Variants in WWOX observed in about 807,000 individuals in gnomAD.
The protein encoded by WWOX is WW domain-containing oxidoreductase.
WWOX carries 69 observed loss-of-function variants against 46.2 expected under a neutral mutation model. The ratio of observed to expected loss-of-function variants is 1.49; its 90% confidence interval spans 1.23 to 1.82. The LOEUF (loss-of-function observed/expected upper bound fraction) is 1.82. WWOX is among the 40% of genes most tolerant of loss of function. The probability of loss-of-function intolerance (pLI) is 0.00; values close to 1 mark genes in which losing one functional copy is unlikely to be tolerated. For synonymous variants in WWOX, 359 were observed against 202.6 expected, an observed-to-expected ratio of 1.77 and a Z score of -6.56; for missense variants, 919 against 542.6, an observed-to-expected ratio of 1.69 and a Z score of -6.89.
chr16:78,166,302 G>A (rs1037599785), intron 5 of WWOX, among the ~76,000 whole-genome samples: 2 of 151,978 alleles, frequency 1.3e-5, no homozygotes, highest in Admixed American at 6.6e-5. Flanking sequence ...GGCCATTTAG[G>A]TTGTTTGCAT....
At chr16:78,792,211 A>G (rs2050622039) in intron 8 of WWOX, among the ~76,000 whole-genome samples, 1 of 152,076 alleles carries the variant, frequency 6.6e-6, no homozygotes, top group Admixed American at 6.5e-5. Context: ...GACCTTGGCT[A>G]AGCTCCCCTG....
At chr16:78,369,858 C>T (rs988898825) in intron 5 of WWOX, among the ~76,000 whole-genome samples, 2 of 151,922 alleles carry the variant, frequency 1.3e-5, no homozygotes, top group Non-Finnish European at 2.9e-5. Context: ...TAAGGGCACG[C>T]ACAATGGCTC....
chr16:79,137,000 C>A (rs1817896971), intron 8 of WWOX, among the ~76,000 whole-genome samples: 1 of 152,158 alleles, frequency 6.6e-6, no homozygotes, highest in Non-Finnish European at 1.5e-5. Flanking sequence ...GAGGAAAAGA[C>A]AACTGAGAGG....
At chr16:78,520,909 A>G (rs1395637251) in intron 8 of WWOX, among the ~76,000 whole-genome samples, 3 of 152,178 alleles carry the variant, frequency 2.0e-5, no homozygotes, top group Admixed American at 6.5e-5. Flanking sequence ...TTAACAAGCA[A>G]AAGAAGACAA....
At chr16:78,345,961 TA>T in intron 5 of WWOX, among the ~76,000 whole-genome samples, 1 of 106,972 alleles carries the variant, frequency 9.3e-6, no homozygotes, top group African/African-American at 4.1e-5. Flanking sequence ...AACACGAAAA[TA>T]AAAAAAATAG....
chr16:78,617,707 G>A (rs1226955302), intron 8 of WWOX, among the ~76,000 whole-genome samples: 1 of 152,126 alleles, frequency 6.6e-6, no homozygotes, highest in Non-Finnish European at 1.5e-5. Context: ...ATTCTTCCCA[G>A]TCCCAGGAAA....
At chr16:78,779,024 A>G (rs974681729) in intron 8 of WWOX, among the ~76,000 whole-genome samples, 10 of 152,312 alleles carry the variant, frequency 6.6e-5, no homozygotes, top group African/African-American at 2.4e-4. Context: ...AATAAAACCA[A>G]TGAGCTTAAT....
intron 8 of WWOX, among the ~76,000 whole-genome samples, chr16:78,745,886 C>T (rs1476208649): frequency 6.6e-6 from 1 of 151,848 alleles, no homozygotes; most frequent in African/African-American, 2.4e-5. Context: ...TATTTTAATA[C>T]TAGGAACGTG....
At chr16:78,334,754 T>C (rs1042084755) in intron 5 of WWOX, among the ~76,000 whole-genome samples, 5 of 144,978 alleles carry the variant, frequency 3.4e-5, no homozygotes, top group African/African-American at 5.1e-5. Flanking sequence ...TTCCAAAGAA[T>C]TAAAACCACC....
intron 8 of WWOX, among the ~76,000 whole-genome samples, chr16:78,655,606 A>G (rs2047062724): frequency 6.6e-6 from 1 of 152,212 alleles, no homozygotes; most frequent in South Asian, 2.1e-4. Flanking sequence ...TTTTAACTAC[A>G]AAATGGAACG....
At chr16:78,299,317 T>G (rs1480363476) in intron 5 of WWOX, among the ~76,000 whole-genome samples, 1 of 152,146 alleles carries the variant, frequency 6.6e-6, no homozygotes, top group Non-Finnish European at 1.5e-5. Context: ...CTTCTCACCT[T>G]CAGAGTCTTT....
chr16:78,602,904 C>G (rs536664584), intron 8 of WWOX, among the ~76,000 whole-genome samples: 3 of 152,144 alleles, frequency 2.0e-5, no homozygotes, highest in Non-Finnish European at 4.4e-5. Context: ...TCCGCTCTGT[C>G]TTCTGCATAC....
chr16:78,859,489 T>G (rs1023535904), intron 8 of WWOX, among the ~76,000 whole-genome samples: 1 of 152,196 alleles, frequency 6.6e-6, no homozygotes, highest in African/African-American at 2.4e-5. Flanking sequence ...AAAAATGGAA[T>G]GTGTTATAGC....
At position 78,307,201 on chromosome 16, in the gene WWOX, A is replaced by C. The variant is rs573608571; in HGVS notation, c.517-79659A>C. ...TTTTTATGAAGTAAGTAGGGAACTA[A>C]CTACCTGTTCACTGCTGCCCGTTCA... is the stretch of plus-strand genomic sequence containing the variant. On this transcript the variant is annotated intron_variant, in intron 5 of 8. Transcript: ENST00000566780. Among the ~76,000 whole-genome samples the C allele has an allele frequency of 5.9e-5, 9 of 152,350 alleles. No individual in the cohort carries two copies. The South Asian group carries it at 1.9e-3, about 32-fold the overall frequency.
chr16:78,688,213 A>T (rs1471021598), intron 8 of WWOX, among the ~76,000 whole-genome samples: 1 of 151,770 alleles, frequency 6.6e-6, no homozygotes, highest in Non-Finnish European at 1.5e-5. Context: ...AAGATGTCCA[A>T]ATGTTTTGAA....
intron 4 of WWOX, among the ~76,000 whole-genome samples, chr16:78,149,247 G>A (rs1405018245): frequency 6.6e-6 from 1 of 152,186 alleles, no homozygotes; most frequent in Non-Finnish European, 1.5e-5. Context: ...AGTATAACTT[G>A]TAACGGTCAT....
At chr16:78,516,966 G>A (rs533156026) in intron 8 of WWOX, among the ~76,000 whole-genome samples, 4 of 152,204 alleles carry the variant, frequency 2.6e-5, no homozygotes, top group African/African-American at 4.8e-5. Context: ...TCTGTTTCCC[G>A]AGAAATCATT....
chr16:79,009,300 C>G (rs1380330628), intron 8 of WWOX, among the ~76,000 whole-genome samples: 1 of 152,144 alleles, frequency 6.6e-6, no homozygotes, highest in African/African-American at 2.4e-5. Flanking sequence ...TGAAGGGGCG[C>G]TTTCTGGAAT....
At chr16:78,593,016 G>A (rs1019475702) in intron 8 of WWOX, among the ~76,000 whole-genome samples, 1 of 152,154 alleles carries the variant, frequency 6.6e-6, no homozygotes, top group South Asian at 2.1e-4. Context: ...CAGGGAGGCT[G>A]GAAAGTACAG....
Sources: allele counts gnomAD v4.1 joint callset (sites outside exome capture counted in the v4.1 genomes callset), GRCh38; gene constraint gnomAD v4.1.1; transcripts MANE v1.5; gene names NCBI Gene and HGNC (gene_info 2026-07-23, HGNC 2026-07-21).